The following DRAM2 variants were observed in gnomAD, a reference collection of about 807,000 sequenced individuals.
DRAM2 encodes the protein DNA damage-regulated autophagy modulator protein 2.
A neutral mutation model predicts 33.5 loss-of-function variants in DRAM2; 26 were observed. The observed-to-expected ratio is 0.78, with a 90% CI of 0.57 to 1.08. The LOEUF (loss-of-function observed/expected upper bound fraction) is 1.08, where lower values mean the gene tolerates loss of function less well. DRAM2 is among the 50% of genes least tolerant of loss of function. The probability of loss-of-function intolerance (pLI) is 0.00; values close to 1 mark genes in which losing one functional copy is unlikely to be tolerated. For synonymous variants in DRAM2, 98 were observed against 109.5 expected (o/e 0.89, Z 0.66); for missense variants, 311 against 318.1 (o/e 0.98, Z 0.17).
chr1:111,129,470 A>G (rs902313555), intron 4 of DRAM2, among the ~76,000 whole-genome samples: 12 of 152,184 alleles, frequency 7.9e-5, no homozygotes, highest in Non-Finnish European at 2.9e-5. Flanking sequence ...TCCCTGCCCT[A>G]TGTAATTTAT....
At chr1:111,139,278 TAC>T (rs1653970410) in intron 2 of DRAM2, among the ~76,000 whole-genome samples, 1 of 152,244 alleles carries the variant, frequency 6.6e-6, no homozygotes, top group African/African-American at 2.4e-5. Flanking sequence ...AGATTATTTC[TAC>T]AGTGTTTTGT....
intron 5 of DRAM2, among the ~76,000 whole-genome samples, 179 bp from the exon 6 acceptor site, chr1:111,125,060 A>C (rs565469812): frequency 6.6e-6 from 1 of 151,824 alleles, no homozygotes; most frequent in East Asian, 1.9e-4. Flanking sequence ...TTTGCTTTTA[A>C]AAAATGGGGT....
chr1:111,120,522 G>C lies in DRAM2; in HGVS notation c.511C>G (p.Leu171Val), dbSNP rs759687649. 2 of 1,587,772 alleles carry C rather than the reference G, an allele frequency of 1.3e-6. No homozygotes were observed. The highest frequency in any genetic ancestry group is 1.7e-6 in the Non-Finnish European group (2 of 1,165,546). ...ATTGTACAGTGAAGGATACTGCTAA[G>C]TGCACTTACTCCACACCAGATAACC... ...LLVIWCGVSA[L>V]SMLTCSSVLH... Residue 171 changes from leucine (L) to valine (V), a missense_variant, in exon 7 of 10, where the codon CTT (leucine) becomes GTT (valine). By Grantham distance (32) the Leu-to-Val change is conservative (BLOSUM62 1). Transcript: ENST00000484310.
chr1:111,137,251 CAA>C (rs71580572), intron 3 of DRAM2, among the ~76,000 whole-genome samples: 25 of 68,634 alleles, frequency 3.6e-4, no homozygotes, highest in East Asian at 6.8e-4. Flanking sequence ...GATTCCATCT[CAA>C]AAAAAAAAAA....
intron 3 of DRAM2, among the ~76,000 whole-genome samples, chr1:111,132,680 CTCTT>C (rs1157866423): frequency 3.7e-5 from 5 of 135,456 alleles, no homozygotes; most frequent in African/African-American, 9.2e-5. Context: ...GTTTTTCTTC[CTCTT>C]TTTTTTTTTT....
chr1:111,131,398 C>T, intron 4 of DRAM2, 26 bp downstream of exon 4: 1 of 1,602,624 alleles, frequency 6.2e-7, no homozygotes, highest in Non-Finnish European at 8.5e-7. Context: ...AAAGAGTCTC[C>T]TATACAAAGA....
At chr1:111,129,855 G>A (rs1357205453) in intron 4 of DRAM2, among the ~76,000 whole-genome samples, 2 of 152,148 alleles carry the variant, frequency 1.3e-5, no homozygotes, top group African/African-American at 4.8e-5. Context: ...AAGAGAAAGA[G>A]TTTTGTACAT....
At chr1:111,122,353 A>T (rs904961209) in intron 6 of DRAM2, among the ~76,000 whole-genome samples, 1 of 152,006 alleles carries the variant, frequency 6.6e-6, no homozygotes, top group Non-Finnish European at 1.5e-5. Context: ...GATGAAATCT[A>T]AGCTAGTTGA....
intron 4 of DRAM2, 97 bp downstream of exon 4, chr1:111,131,327 T>C (rs1228898492): frequency 4.1e-5 from 54 of 1,326,468 alleles, no homozygotes; most frequent in Non-Finnish European, 5.3e-5. Context: ...CAATGTAAAA[T>C]CTGATTTTTA....
chr1:111,119,889 G>A lies in DRAM2; in HGVS notation c.588C>T (p.Asn196=), dbSNP rs914276011. The A allele has an allele frequency of 6.2e-7, 1 of 1,612,554 alleles. No homozygotes were observed. The highest frequency in any genetic ancestry group is 1.3e-5 in the African/African-American group (1 of 74,954). Residue 196 remains asparagine (N), a synonymous_variant, in exon 8 of 10, where the codon AAC becomes AAT. Coordinates refer to ENST00000484310, the MANE Select transcript of DRAM2 (RefSeq NM_001349884.2). The stretch of plus-strand genomic sequence containing the variant: ...TGTAAGTTCTTACTTTGTCCTCGGG[G>A]TTCCAATGGAGTTTCTGTTCTAAAT... The part of the protein sequence containing the change: ...GTDLEQKLHW[N]PEDKGYVLHM...
intron 4 of DRAM2, among the ~76,000 whole-genome samples, chr1:111,131,193 A>G (rs1652006847): frequency 1.3e-5 from 2 of 152,210 alleles, no homozygotes; most frequent in South Asian, 2.1e-4. Flanking sequence ...ACAAGGCACT[A>G]AAGAGTCACA....
chr1:111,118,126 A>C lies in DRAM2; in HGVS notation c.*34T>G. The C allele has an allele frequency of 6.3e-7, 1 of 1,593,966 alleles. No individual in the cohort carries two copies. Among genetic ancestry groups the C allele is most frequent in the Non-Finnish European group, 8.6e-7 (1 of 1,162,218 alleles). On this transcript the variant is annotated 3_prime_UTR_variant, in exon 10 of 10. Coordinates refer to ENST00000484310, the MANE Select transcript of DRAM2 (RefSeq NM_001349884.2). ...GTGAACCTTTCCCCAATCCCTGAGA[A>C]TCATAATCATTACAGAAATATTTTA...
At chr1:111,123,735 G>T (rs1367171354) in intron 6 of DRAM2, among the ~76,000 whole-genome samples, 2 of 152,198 alleles carry the variant, frequency 1.3e-5, no homozygotes, top group African/African-American at 2.4e-5. Context: ...AGACTGATGT[G>T]GGGGGTTGGG....
intron 4 of DRAM2, among the ~76,000 whole-genome samples, chr1:111,130,491 G>C (rs1049407125): frequency 1.1e-4 from 16 of 152,138 alleles, no homozygotes; most frequent in African/African-American, 3.9e-4. Flanking sequence ...AGATCACGAG[G>C]TCAGAAGTTC....
chr1:111,123,883 T>A lies in DRAM2; in HGVS notation c.339+859A>T, dbSNP rs1338561977. ...AGCTCCTGCTTTGCTTTCCATCATGTGTAAGCTTCTTGAAGTCCTCATCAT... is the reference window on the plus strand; with the variant it reads ...AGCTCCTGCTTTGCTTTCCATCATGAGTAAGCTTCTTGAAGTCCTCATCAT... On this transcript the variant is annotated intron_variant, in intron 6 of 9. Coordinates refer to ENST00000484310, the MANE Select transcript of DRAM2 (RefSeq NM_001349884.2). Among the ~76,000 whole-genome samples the A allele has an allele frequency of 5.3e-5, 8 of 152,194 alleles. No individual in the cohort carries two copies. The East Asian group carries it at 1.5e-3, about 29-fold the overall frequency.
chr1:111,130,699 CAA>C (rs1252596900), intron 4 of DRAM2, among the ~76,000 whole-genome samples: 3 of 100,974 alleles, frequency 3.0e-5, no homozygotes, highest in Admixed American at 1.1e-4. Flanking sequence ...GATTCCATCT[CAA>C]AAAAAAAAAA....
intron 6 of DRAM2, among the ~76,000 whole-genome samples, chr1:111,122,911 TAAAG>T (rs1342769239): frequency 6.6e-6 from 1 of 151,952 alleles, no homozygotes; most frequent in African/African-American, 2.4e-5. Context: ...AGCAAAACAA[TAAAG>T]AAAGTATATA....
chr1:111,131,493 G>T lies in DRAM2; in HGVS notation c.62C>A (p.Ala21Asp), dbSNP rs779295925. 6.2e-7 allele frequency: 1 copy of T among 1,614,122 alleles called. No individual in the cohort carries two copies. Among genetic ancestry groups the T allele is most frequent in the East Asian group, 2.2e-5 (1 of 44,876 alleles). ...LPSALVIWTS[A>D]AFIFSYITAV... ...AGTAATGTATGAAAATATGAAAGCA[G>T]CAGATGTCCAAATTACAAGGGCTGA... Residue 21 changes from alanine to aspartate, a missense_variant, in exon 4 of 10, where the codon GCT (alanine) becomes GAT (aspartate). Transcript: ENST00000484310.
intron 6 of DRAM2, among the ~76,000 whole-genome samples, chr1:111,123,419 T>C (rs1650399516): frequency 1.3e-5 from 2 of 152,192 alleles, no homozygotes; most frequent in Admixed American, 1.3e-4. Context: ...AACTTTCTTG[T>C]CAACTAGGTC....
Sources: gnomAD v4.1 joint callset for allele counts (sites outside exome capture counted in the v4.1 genomes callset) on GRCh38, gnomAD v4.1.1 for gene constraint, MANE v1.5 for transcripts, NCBI Gene and HGNC (gene_info 2026-07-23, HGNC 2026-07-21) for gene names.